Variants in LTBP1 observed in about 807,000 individuals in gnomAD.
LTBP1 encodes the protein latent transforming growth factor beta binding protein 1.
In LTBP1, 129 loss-of-function variants were observed where a neutral mutation model predicts 207.6. That is an observed-to-expected ratio of 0.62 (90% CI 0.54 to 0.72). The LOEUF (loss-of-function observed/expected upper bound fraction) is 0.72. Ranked by LOEUF, LTBP1 falls within the 30% of genes least tolerant of loss-of-function variation. The pLI is 0.00. For missense variants in LTBP1, 2,281 were observed against 2,217.2 expected (o/e 1.03, Z -0.58); for synonymous variants, 963 against 833.7 (o/e 1.16, Z -2.67).
intron 18 of LTBP1, among the ~76,000 whole-genome samples, chr2:33,279,754 A>G (rs1016618647): frequency 3.9e-5 from 6 of 152,192 alleles, no homozygotes; most frequent in Non-Finnish European, 8.8e-5. Context: ...AATTGGCCCT[A>G]GAGGAGCTGC....
At chr2:33,319,613 A>T (rs1328263709) in intron 24 of LTBP1, among the ~76,000 whole-genome samples, 1 of 151,860 alleles carries the variant, frequency 6.6e-6, no homozygotes, top group Admixed American at 6.6e-5. Context: ...TCCTTGCTGC[A>T]CTTGGCCAGG....
At chr2:32,958,266 AG>A (rs1678421630) in intron 2 of LTBP1, among the ~76,000 whole-genome samples, 1 of 152,198 alleles carries the variant, frequency 6.6e-6, no homozygotes, top group South Asian at 2.1e-4. Flanking sequence ...GGGCTGCATT[AG>A]GTAATACATT....
At chr2:33,328,442 A>G (rs2094456059) in intron 24 of LTBP1, among the ~76,000 whole-genome samples, 2 of 152,202 alleles carry the variant, frequency 1.3e-5, no homozygotes, top group South Asian at 4.1e-4. Context: ...TAAAGGAAAG[A>G]GGTTTAATTA....
chr2:33,058,883 C>T lies in LTBP1; in HGVS notation c.863+37677C>T, dbSNP rs1038808493. 2.6e-4 allele frequency among the ~76,000 whole-genome samples: 40 copies of T among 152,242 alleles called. 1 individual carries two copies. Among genetic ancestry groups the T allele is most frequent in the Non-Finnish European group, 5.1e-4 (35 of 68,014 alleles). ...ACAGAAGTGCTGAATATGACCTGCA[C>T]GTGTTGAAATGGCAGTGCTGCGGGA... On this transcript the variant is annotated intron_variant, in intron 3 of 33. Transcript: ENST00000404816.
intron 25 of LTBP1, among the ~76,000 whole-genome samples, chr2:33,345,356 A>G (rs936493502): frequency 3.9e-5 from 6 of 152,224 alleles, no homozygotes; most frequent in African/African-American, 1.2e-4. Flanking sequence ...CTGGCTCATC[A>G]TTGTTACCCC....
chr2:33,123,345 T>C (rs370288178), intron 4 of LTBP1, among the ~76,000 whole-genome samples: 35 of 152,158 alleles, frequency 2.3e-4, no homozygotes, highest in African/African-American at 8.4e-4. Context: ...GGGAAACCTT[T>C]TCAGTAAGAT....
intron 7 of LTBP1, among the ~76,000 whole-genome samples, chr2:33,197,733 C>T (rs1039586164): frequency 6.6e-6 from 1 of 152,100 alleles, no homozygotes; most frequent in Middle Eastern, 3.2e-3. Flanking sequence ...TATGAAAAGG[C>T]CTTCTATGGG....
chr2:32,961,236 T>G (rs1679055820), intron 2 of LTBP1, among the ~76,000 whole-genome samples: 1 of 152,166 alleles, frequency 6.6e-6, no homozygotes, highest in African/African-American at 2.4e-5. Flanking sequence ...AGACCAGCCT[T>G]GTGCTGACTG....
intron 3 of LTBP1, among the ~76,000 whole-genome samples, chr2:33,023,807 A>G (rs767217198): frequency 3.3e-5 from 5 of 152,246 alleles, no homozygotes; most frequent in Admixed American, 2.0e-4. Context: ...AGGTTATGAC[A>G]TAATCACAGT....
intron 10 of LTBP1, among the ~76,000 whole-genome samples, chr2:33,249,886 C>T (rs2092633460): frequency 6.6e-6 from 1 of 152,202 alleles, no homozygotes; most frequent in South Asian, 2.1e-4. Context: ...TCCCCTATCC[C>T]TTAGAAATCT....
chr2:33,394,144 A>T (rs1488997214), intron 32 of LTBP1, among the ~76,000 whole-genome samples: 1 of 151,116 alleles, frequency 6.6e-6, no homozygotes, highest in African/African-American at 2.4e-5. Context: ...GGGTTGTTTG[A>T]TTTTTTTTCT....
chr2:33,304,217 T>G (rs1276912353), intron 22 of LTBP1, among the ~76,000 whole-genome samples: 1 of 152,216 alleles, frequency 6.6e-6, no homozygotes, highest in African/African-American at 2.4e-5. Context: ...TCTAGTGTAC[T>G]GGGTTATAAA....
chr2:33,251,630 A>G lies in LTBP1; in HGVS notation c.2000-1047A>G, dbSNP rs1573432203. ...CAGTGAGCTGAGATCGCGCCACTGC[A>G]CTCCGGCCTCGGCAACAGAGTGAGA... On this transcript the variant is annotated intron_variant, in intron 10 of 33. Coordinates refer to ENST00000404816, the MANE Select transcript of LTBP1 (RefSeq NM_206943.4). Among the ~76,000 whole-genome samples, 3 of 140,660 alleles carry G rather than the reference A, an allele frequency of 2.1e-5. No homozygotes were observed. In the East Asian group the frequency reaches 6.2e-4, roughly 29 times the overall value. The allele number at this position is 140,660 out of a possible 152,430, so 92.3% of individuals were successfully genotyped here. A position where few individuals can be genotyped will look rare whatever the true frequency, so the allele number is the denominator to read the frequency against.
At chr2:33,152,818 G>T (rs533870510) in intron 5 of LTBP1, among the ~76,000 whole-genome samples, 1 of 152,258 alleles carries the variant, frequency 6.6e-6, no homozygotes, top group South Asian at 2.1e-4. Context: ...AGAAAAACCT[G>T]GGATTTCCAT....
chr2:33,383,760 C>T (rs1352074232), intron 31 of LTBP1, among the ~76,000 whole-genome samples: 2 of 152,146 alleles, frequency 1.3e-5, no homozygotes, highest in East Asian at 3.9e-4. Context: ...TGGTCTCAAA[C>T]TCCTGGGCTC....
chr2:33,035,012 G>T (rs1334904134), intron 3 of LTBP1, among the ~76,000 whole-genome samples: 1 of 152,144 alleles, frequency 6.6e-6, no homozygotes, highest in Non-Finnish European at 1.5e-5. Context: ...TCATTTCTTG[G>T]CAGTGCAACC....
chr2:33,314,580 A>G (rs907226282), intron 23 of LTBP1, among the ~76,000 whole-genome samples: 1 of 152,132 alleles, frequency 6.6e-6, no homozygotes, highest in African/African-American at 2.4e-5. Flanking sequence ...TTTTACTTGT[A>G]TTTTATTTCT....
intron 22 of LTBP1, among the ~76,000 whole-genome samples, chr2:33,302,190 G>A (rs1334428836): frequency 6.6e-6 from 1 of 152,226 alleles, no homozygotes; most frequent in Non-Finnish European, 1.5e-5. Context: ...ATGGAGCGGG[G>A]AATATCTTCT....
chr2:33,084,397 C>T (rs575696200), intron 3 of LTBP1, among the ~76,000 whole-genome samples: 77 of 152,222 alleles, frequency 5.1e-4, no homozygotes, highest in African/African-American at 1.8e-3. Context: ...TGGGAAGGTG[C>T]TGCTGGTGGG....
Sources: allele counts gnomAD v4.1 joint callset (sites outside exome capture counted in the v4.1 genomes callset), GRCh38; gene constraint gnomAD v4.1.1; transcripts MANE v1.5; gene names NCBI Gene and HGNC (gene_info 2026-07-23, HGNC 2026-07-21).